NPAS3: variants seen among roughly 807,000 people sequenced by gnomAD.
NPAS3 encodes neuronal PAS domain protein 3, also known as neuronal PAS domain-containing protein 3.
A neutral mutation model predicts 73.1 loss-of-function variants in NPAS3; 14 were observed. The ratio of observed to expected loss-of-function variants is 0.19; its 90% confidence interval spans 0.13 to 0.30. NPAS3 has a LOEUF of 0.30. NPAS3 is among the 10% of genes least tolerant of loss of function. The pLI, the probability that NPAS3 is intolerant of heterozygous loss-of-function variation, is 1.00. For missense variants in NPAS3, 1,096 were observed against 1,250.0 expected (o/e 0.88, Z 1.86); for synonymous variants, 620 against 541.5 (o/e 1.14, Z -2.01).
Position 33,055,392 on chromosome 14 carries a change from C to T in NPAS3, c.51-513C>T, listed in dbSNP as rs543548142. Among the ~76,000 whole-genome samples the T allele has an allele frequency of 2.6e-5, 4 of 152,260 alleles. No homozygotes were observed. In the South Asian group the frequency reaches 8.3e-4, roughly 32 times the overall value. On this transcript the variant is annotated intron_variant, in intron 1 of 11. Transcript: ENST00000356141. Reference sequence around the variant, plus strand: ...TTTTCATCCCTAATTGGGTTTAGTTCTGTAAGCTGAATCGCATTCCTTTAT... The same window carrying T: ...TTTTCATCCCTAATTGGGTTTAGTTTTGTAAGCTGAATCGCATTCCTTTAT...
At chr14:33,125,150 T>C (rs2043379370) in intron 2 of NPAS3, among the ~76,000 whole-genome samples, 1 of 152,090 alleles carries the variant, frequency 6.6e-6, no homozygotes, top group Non-Finnish European at 1.5e-5. Context: ...AGACTTTTGC[T>C]TGGCATGTAA....
At chr14:33,039,589 A>G (rs1380711547) in intron 1 of NPAS3, among the ~76,000 whole-genome samples, 1 of 152,198 alleles carries the variant, frequency 6.6e-6, no homozygotes, top group Non-Finnish European at 1.5e-5. Flanking sequence ...CGTGACCTCC[A>G]TTGCAACTTT....
At chr14:33,099,044 C>T (rs75004774) in intron 2 of NPAS3, among the ~76,000 whole-genome samples, 3,985 of 152,228 alleles carry the variant, frequency 0.026, 64 homozygotes, top group Non-Finnish European at 0.039. Flanking sequence ...GGCCTTTTTC[C>T]AAGTCACACA....
At chr14:33,630,292 G>T (rs577344073) in intron 5 of NPAS3, among the ~76,000 whole-genome samples, 1 of 152,300 alleles carries the variant, frequency 6.6e-6, no homozygotes, top group African/African-American at 2.4e-5. Context: ...CCTTGATGAT[G>T]AGTAAAGGAA....
chr14:33,106,073 G>A (rs2042714995), intron 2 of NPAS3, among the ~76,000 whole-genome samples: 1 of 152,142 alleles, frequency 6.6e-6, no homozygotes, highest in Non-Finnish European at 1.5e-5. Flanking sequence ...GGAAGGCCTA[G>A]ACTGAATGAC....
At chr14:33,657,571 G>C (rs974619519) in intron 5 of NPAS3, among the ~76,000 whole-genome samples, 4 of 152,162 alleles carry the variant, frequency 2.6e-5, no homozygotes, top group African/African-American at 9.7e-5. Context: ...AAATTGATTA[G>C]AGAAAGTTTT....
At chr14:33,014,206 A>G (rs1020006881) in intron 1 of NPAS3, among the ~76,000 whole-genome samples, 3 of 152,156 alleles carry the variant, frequency 2.0e-5, no homozygotes, top group Admixed American at 2.0e-4. Flanking sequence ...ATGCTGTCAC[A>G]TTATTTGGGG....
At chr14:33,606,152 A>C (rs567440696) in intron 5 of NPAS3, among the ~76,000 whole-genome samples, 1 of 151,630 alleles carries the variant, frequency 6.6e-6, no homozygotes, top group Non-Finnish European at 1.5e-5. Flanking sequence ...TACATGTGCC[A>C]TGCTGGTGTG....
At chr14:33,716,405 G>T (rs1344525301) in intron 6 of NPAS3, among the ~76,000 whole-genome samples, 2 of 151,714 alleles carry the variant, frequency 1.3e-5, no homozygotes, top group African/African-American at 2.4e-5. Context: ...CTTTTCATCT[G>T]TTTTTTGTCT....
intron 4 of NPAS3, among the ~76,000 whole-genome samples, chr14:33,369,532 G>A (rs749528165): frequency 7.2e-5 from 11 of 151,964 alleles, no homozygotes; most frequent in Non-Finnish European, 1.6e-4. Context: ...CCTAAATAGG[G>A]CTGGTCACAC....
chr14:33,390,192 T>C (rs977977252), intron 4 of NPAS3, among the ~76,000 whole-genome samples: 1 of 152,186 alleles, frequency 6.6e-6, no homozygotes, highest in Non-Finnish European at 1.5e-5. Flanking sequence ...TATTTGTGAG[T>C]ATTTTTCATT....
chr14:33,562,122 G>A (rs2055679388), intron 5 of NPAS3, among the ~76,000 whole-genome samples: 1 of 152,094 alleles, frequency 6.6e-6, no homozygotes, highest in East Asian at 1.9e-4. Context: ...GGAATAGTGC[G>A]GCCATCTGAA....
chr14:33,005,659 G>T (rs564842570), intron 1 of NPAS3, among the ~76,000 whole-genome samples: 15 of 152,250 alleles, frequency 9.9e-5, no homozygotes, highest in East Asian at 5.8e-4. Context: ...GGGGTCGAAG[G>T]GGGGAGTTGT....
At chr14:33,106,708 T>C (rs1279330) in intron 2 of NPAS3, among the ~76,000 whole-genome samples, 38,250 of 152,020 alleles carry the variant, frequency 0.25, 5,542 homozygotes, top group East Asian at 0.58. Context: ...GAACATAATT[T>C]GAAGAGGCAG....
intron 4 of NPAS3, among the ~76,000 whole-genome samples, chr14:33,412,868 A>G (rs1200930201): frequency 6.6e-6 from 1 of 152,226 alleles, no homozygotes; most frequent in African/African-American, 2.4e-5. Context: ...TTTAAAACCT[A>G]CTATATGCCC....
In NPAS3 at chr14:33,198,600, T is replaced by C. The variant is rs1375042695; in HGVS notation, c.141-16582T>C. 5.3e-5 allele frequency among the ~76,000 whole-genome samples: 8 copies of C among 152,174 alleles called. No individual in the cohort carries two copies. The East Asian group carries it at 1.3e-3, about 26-fold the overall frequency. The stretch of plus-strand genomic sequence containing the variant: ...CCTTGAGCTAGACATAGAGTGCTGA[T>C]TGGTGTATTTATACTCCTTTGGCTA... On this transcript the variant is annotated intron_variant, in intron 2 of 11. Coordinates refer to ENST00000356141, the Ensembl canonical transcript of NPAS3.
intron 2 of NPAS3, among the ~76,000 whole-genome samples, chr14:33,130,547 GA>G (rs1267160342): frequency 6.6e-6 from 1 of 152,062 alleles, no homozygotes; most frequent in Non-Finnish European, 1.5e-5. Flanking sequence ...ATACTTTATG[GA>G]AATATCACCA....
At chr14:33,695,066 A>C (rs2060338617) in intron 6 of NPAS3, among the ~76,000 whole-genome samples, 1 of 152,166 alleles carries the variant, frequency 6.6e-6, no homozygotes, top group African/African-American at 2.4e-5. Flanking sequence ...AAGTACCTCC[A>C]CATCACAAAA....
At chr14:33,124,241 A>T (rs2043345090) in intron 2 of NPAS3, among the ~76,000 whole-genome samples, 1 of 152,058 alleles carries the variant, frequency 6.6e-6, no homozygotes, top group South Asian at 2.1e-4. Flanking sequence ...CAATAACATC[A>T]GAGTAGATGC....
Sources: gnomAD v4.1 joint callset for allele counts (sites outside exome capture counted in the v4.1 genomes callset) on GRCh38, gnomAD v4.1.1 for gene constraint, MANE v1.5 for transcripts, NCBI Gene and HGNC (gene_info 2026-07-23, HGNC 2026-07-21) for gene names.